ZPBP: variants seen among roughly 807,000 people sequenced by gnomAD.
ZPBP encodes the protein zona pellucida binding protein.
A neutral mutation model predicts 44.8 loss-of-function variants in ZPBP; 26 were observed. The observed-to-expected ratio is 0.58, with a 90% CI of 0.43 to 0.81. The LOEUF is 0.81. Ranked by LOEUF, ZPBP falls within the 30% of genes least tolerant of loss-of-function variation. ZPBP has a pLI of 0.00. For synonymous variants in ZPBP, 174 were observed against 153.2 expected, an observed-to-expected ratio of 1.14 and a Z score of -1.00; for missense variants, 409 against 434.0, an observed-to-expected ratio of 0.94 and a Z score of 0.51.
intron 2 of ZPBP, among the ~76,000 whole-genome samples, chr7:49,873,365 G>A (rs7811866): frequency 0.032 from 4,823 of 152,210 alleles, 120 homozygotes; most frequent in Middle Eastern, 0.054. Flanking sequence ...GGGAGAGCAG[G>A]AGCTCTCTTG....
intron 2 of ZPBP, among the ~76,000 whole-genome samples, chr7:50,088,216 G>A (rs1203385122): frequency 6.6e-6 from 1 of 151,906 alleles, no homozygotes; most frequent in Non-Finnish European, 1.5e-5. Context: ...AAAACAACTC[G>A]ATAGCCATGT....
At chr7:49,998,348 C>T (rs1797948314) in intron 6 of ZPBP, among the ~76,000 whole-genome samples, 1 of 152,226 alleles carries the variant, frequency 6.6e-6, no homozygotes, top group Non-Finnish European at 1.5e-5. Context: ...AGACTCTCCG[C>T]TTCAGGGCAC....
At chr7:49,985,081 G>A (rs1797199799) in intron 6 of ZPBP, among the ~76,000 whole-genome samples, 2 of 152,278 alleles carry the variant, frequency 1.3e-5, no homozygotes, top group East Asian at 1.9e-4. Flanking sequence ...GTGTGTGAGT[G>A]CACCCTGTGA....
chr7:49,931,464 A>G (rs1372688037), intron 1 of ZPBP, among the ~76,000 whole-genome samples: 1 of 152,208 alleles, frequency 6.6e-6, no homozygotes, highest in East Asian at 1.9e-4. Context: ...TGGAAACTGG[A>G]GTAAAAGTCA....
At chr7:49,882,390 C>G (rs907499918) in intron 2 of ZPBP, among the ~76,000 whole-genome samples, 3 of 152,166 alleles carry the variant, frequency 2.0e-5, no homozygotes, top group Non-Finnish European at 4.4e-5. Flanking sequence ...AAACCATCCA[C>G]TGTCTTTATT....
chr7:50,044,405 T>G (rs1398814512), intron 4 of ZPBP, among the ~76,000 whole-genome samples: 1 of 151,706 alleles, frequency 6.6e-6, no homozygotes, highest in Non-Finnish European at 1.5e-5. Context: ...ATTAACAAAA[T>G]AGATAGACTG....
chr7:50,008,543 A>G (rs571573995), intron 6 of ZPBP, among the ~76,000 whole-genome samples: 1 of 152,050 alleles, frequency 6.6e-6, no homozygotes, highest in Non-Finnish European at 1.5e-5. Flanking sequence ...ATGAAATCTC[A>G]TGAGACCCTT....
intron 3 of ZPBP, among the ~76,000 whole-genome samples, chr7:50,078,521 CCTA>C (rs1440497732): frequency 1.3e-5 from 2 of 150,880 alleles, no homozygotes; most frequent in Non-Finnish European, 3.0e-5. Context: ...CATATATACA[CCTA>C]CTATGTACCT....
chr7:49,963,012 G>A (rs1344622297), intron 7 of ZPBP, among the ~76,000 whole-genome samples: 1 of 150,748 alleles, frequency 6.6e-6, no homozygotes, highest in South Asian at 2.1e-4. Context: ...ATCTTATAAG[G>A]AAATACTAAA....
intron 1 of ZPBP, among the ~76,000 whole-genome samples, chr7:49,909,475 T>G (rs1310313873): frequency 6.6e-6 from 1 of 152,090 alleles, no homozygotes; most frequent in Non-Finnish European, 1.5e-5. Context: ...GGCAGCAAAC[T>G]GTGGAGGCCA....
intron 7 of ZPBP, among the ~76,000 whole-genome samples, chr7:49,947,704 A>G (rs973211293): frequency 6.6e-6 from 1 of 152,216 alleles, no homozygotes; most frequent in African/African-American, 2.4e-5. Flanking sequence ...CATAGTCACC[A>G]CTGCCTAACT....
At chr7:49,975,946 T>G (rs1188002170) in intron 7 of ZPBP, among the ~76,000 whole-genome samples, 3 of 152,112 alleles carry the variant, frequency 2.0e-5, no homozygotes, top group African/African-American at 7.2e-5. Context: ...TAAAGTGGAG[T>G]TTTGGGGTAA....
At chr7:49,881,974 G>A (rs889211408) in intron 2 of ZPBP, among the ~76,000 whole-genome samples, 12 of 150,546 alleles carry the variant, frequency 8.0e-5, no homozygotes, top group African/African-American at 1.5e-4. Flanking sequence ...TTACATTTTC[G>A]TATTATTTTA....
At chr7:50,049,534 T>C (rs1263593064) in intron 4 of ZPBP, among the ~76,000 whole-genome samples, 3 of 151,746 alleles carry the variant, frequency 2.0e-5, no homozygotes, top group African/African-American at 4.8e-5. Context: ...TAACAAACCA[T>C]AGTAATGAAG....
At chr7:50,055,247 A>G (rs1800883010) in intron 4 of ZPBP, among the ~76,000 whole-genome samples, 1 of 152,176 alleles carries the variant, frequency 6.6e-6, no homozygotes, top group African/African-American at 2.4e-5. Flanking sequence ...CATCTGAGGA[A>G]GGGAAAATGT....
At chr7:49,849,228 A>C (rs1333699065), downstream of ZPBP, among the ~76,000 whole-genome samples, 1 of 152,212 alleles carries the variant, frequency 6.6e-6, no homozygotes, top group Non-Finnish European at 1.5e-5. Flanking sequence ...CCATCTCTTT[A>C]TCACAAAATG....
At chr7:49,874,579 T>C (rs750576800) in intron 2 of ZPBP, among the ~76,000 whole-genome samples, 3 of 152,206 alleles carry the variant, frequency 2.0e-5, no homozygotes, top group Non-Finnish European at 4.4e-5. Flanking sequence ...TGTATGTATA[T>C]ATATACATGG....
intron 2 of ZPBP, among the ~76,000 whole-genome samples, chr7:49,891,421 G>A (rs571667049): frequency 3.3e-5 from 5 of 152,236 alleles, no homozygotes; most frequent in East Asian, 1.9e-4. Context: ...ATCAGACAAA[G>A]GACTTTTGCA....
intron 4 of ZPBP, among the ~76,000 whole-genome samples, chr7:50,036,378 C>CTGACCTTG (rs1294922524): frequency 3.3e-5 from 5 of 152,264 alleles, no homozygotes; most frequent in African/African-American, 1.2e-4. Context: ...ACTTGAACTC[C>CTGACCTTG]TGACCTTGTG....
Sources: gnomAD v4.1 joint callset for allele counts (sites outside exome capture counted in the v4.1 genomes callset) on GRCh38, gnomAD v4.1.1 for gene constraint, MANE v1.5 for transcripts, NCBI Gene and HGNC (gene_info 2026-07-23, HGNC 2026-07-21) for gene names.